DPYD: variants seen among roughly 807,000 people sequenced by gnomAD.
DPYD encodes dihydropyrimidine dehydrogenase [NADP(+)].
Under a neutral mutation model 116.2 loss-of-function variants are expected in DPYD, and 109 were observed. That is an observed-to-expected ratio of 0.94 (90% confidence interval 0.80 to 1.10). The LOEUF is 1.10. Ranked by LOEUF, DPYD falls within the 50% of genes least tolerant of loss-of-function variation. DPYD has a pLI of 0.00. For missense variants in DPYD, 1,302 were observed against 1,254.5 expected (o/e 1.04, Z -0.57); for synonymous variants, 440 against 432.0 (o/e 1.02, Z -0.23).
intron 21 of DPYD, among the ~76,000 whole-genome samples, chr1:97,085,239 A>T (rs1368820354): frequency 1.3e-5 from 2 of 152,236 alleles, no homozygotes; most frequent in Non-Finnish European, 2.9e-5. Flanking sequence ...ATCAATAAAT[A>T]TTCAAATGAT....
At chr1:97,379,830 C>T (rs746486641) in intron 15 of DPYD, among the ~76,000 whole-genome samples, 81 of 152,162 alleles carry the variant, frequency 5.3e-4, no homozygotes, top group Non-Finnish European at 1.0e-3. Flanking sequence ...TCATTCCTTC[C>T]ACTTCCTTTC....
chr1:97,775,563 T>C (rs933264507), intron 3 of DPYD, among the ~76,000 whole-genome samples: 2 of 152,186 alleles, frequency 1.3e-5, no homozygotes, highest in Admixed American at 6.6e-5. Flanking sequence ...GTTATACTTA[T>C]TTAACTTTCT....
At chr1:97,513,246 G>A (rs913918080) in intron 13 of DPYD, among the ~76,000 whole-genome samples, 7 of 151,408 alleles carry the variant, frequency 4.6e-5, no homozygotes, top group Non-Finnish European at 7.4e-5. Flanking sequence ...TAAAAAAAGG[G>A]AAACAAAGTT....
At chr1:97,513,825 A>G (rs1282314376) in intron 13 of DPYD, among the ~76,000 whole-genome samples, 2 of 151,864 alleles carry the variant, frequency 1.3e-5, no homozygotes, top group Non-Finnish European at 2.9e-5. Context: ...CTAATTAGGA[A>G]CCAGATAAGG....
At position 97,329,731 on chromosome 1, in the gene DPYD, C is replaced by T. The variant is rs374870692; in HGVS notation, c.2059-23434G>A. ...CTGTGCCACTGCACTCCAGCCTGGG[C>T]GACAGAGTGAAACTCCATCTTAAAA... On this transcript the variant is annotated intron_variant, in intron 16 of 22. Transcript: ENST00000370192. Among the ~76,000 whole-genome samples the T allele has an allele frequency of 8.4e-5, 12 of 143,076 alleles. No individual in the cohort carries two copies. In the East Asian group the frequency reaches 1.4e-3, roughly 17 times the overall value. 93.9% of individuals were successfully genotyped at this position (143,076 alleles called of 152,430 possible). A position where few individuals can be genotyped will look rare whatever the true frequency, so the allele number is the denominator to read the frequency against.
intron 2 of DPYD, among the ~76,000 whole-genome samples, chr1:97,828,654 G>A: frequency 6.6e-6 from 1 of 150,678 alleles, no homozygotes; most frequent in African/African-American, 2.4e-5. Flanking sequence ...TAAGATGAAG[G>A]GATAGAGCAC....
At position 97,549,746 on chromosome 1, in the gene DPYD, T is replaced by G. The variant is rs1057516713; in HGVS notation, c.1340-2A>C. ...TTATAGGGCTCAAGGCTTCTTTTAC[T>G]GAAAAAACAAGTGAAAAACAATAGA... On this transcript the variant is annotated splice_acceptor_variant, in intron 11 of 22. Transcript: ENST00000370192. LOFTEE classifies it high-confidence loss of function. 2.5e-6 allele frequency: 4 copies of G among 1,612,858 alleles called. No individual in the cohort carries two copies. The highest frequency in any genetic ancestry group is 3.4e-6 in the Non-Finnish European group (4 of 1,179,426).
intron 19 of DPYD, among the ~76,000 whole-genome samples, chr1:97,212,892 C>T (rs904272835): frequency 1.3e-5 from 2 of 152,246 alleles, no homozygotes; most frequent in East Asian, 3.9e-4. Flanking sequence ...ACAGTAATAA[C>T]ACCTGTCTTA....
intron 16 of DPYD, among the ~76,000 whole-genome samples, chr1:97,346,897 C>G (rs981262383): frequency 6.6e-6 from 1 of 151,846 alleles, no homozygotes; most frequent in Middle Eastern, 3.4e-3. Flanking sequence ...ATGTTAAGTG[C>G]TTAGAACAAT....
intron 3 of DPYD, among the ~76,000 whole-genome samples, chr1:97,784,266 T>G (rs201509486): frequency 1.9e-3 from 3 of 1,544 alleles, no homozygotes. Flanking sequence ...ATGCTTTTCC[T>G]TTTTTTAAAA....
chr1:97,671,508 C>CA (rs1210794731), intron 8 of DPYD, among the ~76,000 whole-genome samples: 3 of 151,696 alleles, frequency 2.0e-5, no homozygotes, highest in South Asian at 2.1e-4. Flanking sequence ...TTGTCAAAAA[C>CA]AAAAAAAGAT....
At chr1:97,756,676 G>A (rs993259854) in intron 3 of DPYD, among the ~76,000 whole-genome samples, 1 of 151,948 alleles carries the variant, frequency 6.6e-6, no homozygotes, top group Non-Finnish European at 1.5e-5. Flanking sequence ...TGCTTTGCAA[G>A]CTAGGAAGAT....
intron 16 of DPYD, among the ~76,000 whole-genome samples, chr1:97,339,110 C>CT (rs1349976109): frequency 6.6e-6 from 1 of 151,548 alleles, no homozygotes; most frequent in Non-Finnish European, 1.5e-5. Context: ...CCTGAATTAA[C>CT]TGTCTGGATG....
chr1:97,463,181 T>C (rs1377324629), intron 13 of DPYD, among the ~76,000 whole-genome samples: 3 of 152,228 alleles, frequency 2.0e-5, no homozygotes, highest in African/African-American at 4.8e-5. Flanking sequence ...AAATCTCATC[T>C]TGAATTCTCG....
chr1:97,775,409 T>C (rs1171985151), intron 3 of DPYD, among the ~76,000 whole-genome samples: 1 of 152,192 alleles, frequency 6.6e-6, no homozygotes, highest in Non-Finnish European at 1.5e-5. Flanking sequence ...TCTGTCCCTT[T>C]TGCCTACATA....
chr1:97,515,612 G>C, intron 13 of DPYD, 114 bp downstream of exon 13: 1 of 935,512 alleles, frequency 1.1e-6, no homozygotes, highest in Non-Finnish European at 1.6e-6. Context: ...GATAGGTCTT[G>C]TCAAATAGTT....
chr1:97,692,643 T>G (rs1661073500), intron 6 of DPYD, among the ~76,000 whole-genome samples: 1 of 152,214 alleles, frequency 6.6e-6, no homozygotes, highest in Non-Finnish European at 1.5e-5. Context: ...AAGTGCCAGC[T>G]AAGTGTAAGC....
chr1:97,120,953 C>A (rs969279548), intron 20 of DPYD, among the ~76,000 whole-genome samples: 3 of 152,150 alleles, frequency 2.0e-5, no homozygotes, highest in Non-Finnish European at 4.4e-5. Context: ...GATATTAAAT[C>A]TTGATTAATC....
At chr1:97,135,757 C>A (rs1653739197) in intron 20 of DPYD, among the ~76,000 whole-genome samples, 1 of 152,084 alleles carries the variant, frequency 6.6e-6, no homozygotes, top group South Asian at 2.1e-4. Flanking sequence ...CACATGGGTA[C>A]TCAATAGCTA....
Sources: allele counts gnomAD v4.1 joint callset (sites outside exome capture counted in the v4.1 genomes callset), GRCh38; gene constraint gnomAD v4.1.1; transcripts MANE v1.5; gene names NCBI Gene and HGNC (gene_info 2026-07-23, HGNC 2026-07-21).